SCFD2: variants seen among roughly 807,000 people sequenced by gnomAD.
SCFD2 encodes the protein sec1 family domain-containing protein 2.
A neutral mutation model predicts 58.9 loss-of-function variants in SCFD2; 54 were observed. The observed-to-expected ratio is 0.92, with a 90% CI of 0.74 to 1.15. The LOEUF (loss-of-function observed/expected upper bound fraction) is 1.15, where lower values mean the gene tolerates loss of function less well. SCFD2 is among the 50% of genes most tolerant of loss of function. SCFD2 has a pLI of 0.00. For missense variants in SCFD2, 805 were observed against 836.6 expected, an observed-to-expected ratio of 0.96 and a Z score of 0.47; for synonymous variants, 321 against 335.9, an observed-to-expected ratio of 0.96 and a Z score of 0.49.
At chr4:53,179,209 A>G (rs1049338271) in intron 4 of SCFD2, among the ~76,000 whole-genome samples, 1 of 152,194 alleles carries the variant, frequency 6.6e-6, no homozygotes, top group African/African-American at 2.4e-5. Flanking sequence ...CAGATTCACC[A>G]AAGTTGAAAT....
intron 5 of SCFD2, among the ~76,000 whole-genome samples, chr4:53,076,762 C>T (rs113254557): frequency 0.015 from 2,209 of 152,324 alleles, 20 homozygotes; most frequent in Middle Eastern, 0.034. Flanking sequence ...TTTCTCTACA[C>T]CGGCTCAAAG....
intron 7 of SCFD2, among the ~76,000 whole-genome samples, chr4:52,887,720 G>A (rs1718771268): frequency 6.6e-6 from 1 of 152,092 alleles, no homozygotes; most frequent in Non-Finnish European, 1.5e-5. Flanking sequence ...AGGGAATGAA[G>A]GTAGTAAGTG....
intron 5 of SCFD2, among the ~76,000 whole-genome samples, chr4:53,078,277 C>T (rs1330828011): frequency 6.6e-6 from 1 of 152,194 alleles, no homozygotes; most frequent in Non-Finnish European, 1.5e-5. Flanking sequence ...CCCAAGCTCA[C>T]ATTCTTTCTA....
chr4:52,982,799 A>C (rs1430201167), intron 5 of SCFD2, among the ~76,000 whole-genome samples: 1 of 152,178 alleles, frequency 6.6e-6, no homozygotes, highest in Non-Finnish European at 1.5e-5. Flanking sequence ...CAGACCTTTA[A>C]GTTTGCACAT....
intron 5 of SCFD2, among the ~76,000 whole-genome samples, chr4:52,934,484 A>G (rs1720086662): frequency 6.6e-6 from 1 of 152,216 alleles, no homozygotes; most frequent in African/African-American, 2.4e-5. Flanking sequence ...CTGTGGCTTC[A>G]GGGCTCTACA....
At chr4:52,982,962 C>T (rs1721409246) in intron 5 of SCFD2, among the ~76,000 whole-genome samples, 1 of 152,066 alleles carries the variant, frequency 6.6e-6, no homozygotes, top group Non-Finnish European at 1.5e-5. Context: ...TTCCAGTGGG[C>T]ATTATTTACA....
At chr4:53,022,190 T>A (rs927245619) in intron 5 of SCFD2, among the ~76,000 whole-genome samples, 1 of 152,166 alleles carries the variant, frequency 6.6e-6, no homozygotes, top group Non-Finnish European at 1.5e-5. Flanking sequence ...ATGTTAACTA[T>A]TGAGAGATGC....
chr4:52,956,084 T>A, intron 5 of SCFD2: 2 of 456,454 alleles, frequency 4.4e-6, no homozygotes, highest in Middle Eastern at 3.3e-4. Flanking sequence ...CAGCTTGAGG[T>A]CTCTGAGATG....
rs1725230118 is a variant in SCFD2 at position 53,113,493 on chromosome 4, A to T, written c.1561+31840T>A. On this transcript the variant is annotated intron_variant, in intron 5 of 8. Coordinates refer to ENST00000401642, the MANE Select transcript of SCFD2 (RefSeq NM_152540.4). The stretch of plus-strand genomic sequence containing the variant: ...GCAAGAAATAAGTTTTCATTGTTTT[A>T]AGCCACTGAAATGTTAAGGCTGTTA... Among the ~76,000 whole-genome samples the T allele has an allele frequency of 2.0e-5, 3 of 152,096 alleles. No individual in the cohort carries two copies. The South Asian group carries it at 6.2e-4, about 31-fold the overall frequency.
intron 5 of SCFD2, among the ~76,000 whole-genome samples, chr4:53,105,613 G>A (rs540966323): frequency 2.0e-5 from 3 of 152,312 alleles, no homozygotes; most frequent in Admixed American, 6.5e-5. Context: ...CCGCAAAGCC[G>A]CAGTAGTCAG....
chr4:53,152,308 C>A (rs1017798713), intron 4 of SCFD2, among the ~76,000 whole-genome samples: 3 of 151,698 alleles, frequency 2.0e-5, no homozygotes, highest in East Asian at 1.9e-4. Flanking sequence ...CAGGAAAATG[C>A]AAGCTAAATT....
At chr4:53,294,275 T>C (rs1731944808) in intron 3 of SCFD2, among the ~76,000 whole-genome samples, 1 of 152,198 alleles carries the variant, frequency 6.6e-6, no homozygotes, top group South Asian at 2.1e-4. Flanking sequence ...GTAAAAACGT[T>C]CCTATTTATC....
chr4:53,046,047 T>C lies in SCFD2; in HGVS notation c.1561+99286A>G, dbSNP rs77884360. Among the ~76,000 whole-genome samples the C allele has an allele frequency of 2.8e-3, 427 of 152,186 alleles. 17 individuals are homozygous for C. The East Asian group carries it at 0.071, about 25-fold the overall frequency. On this transcript the variant is annotated intron_variant, in intron 5 of 8. Coordinates refer to ENST00000401642, the MANE Select transcript of SCFD2 (RefSeq NM_152540.4). ...ACTATCCAGAGGCTACACACAGCTA[T>C]GAAGGTGCAGAAGTGGGCCCAGAAT...
intron 2 of SCFD2, among the ~76,000 whole-genome samples, chr4:53,335,663 A>G (rs1409060404): frequency 6.6e-6 from 1 of 152,140 alleles, no homozygotes; most frequent in African/African-American, 2.4e-5. Flanking sequence ...AGGTGAGGGG[A>G]AAGTTTCTTA....
chr4:53,129,847 C>A (rs1415638617), intron 5 of SCFD2, among the ~76,000 whole-genome samples: 1 of 152,212 alleles, frequency 6.6e-6, no homozygotes, highest in Non-Finnish European at 1.5e-5. Context: ...AATACACCAA[C>A]TGCAAAACAC....
At chr4:53,248,333 G>A (rs986315152) in intron 4 of SCFD2, among the ~76,000 whole-genome samples, 18 of 152,222 alleles carry the variant, frequency 1.2e-4, no homozygotes, top group African/African-American at 4.3e-4. Flanking sequence ...CAAGGTGGCA[G>A]CGAGGATGGG....
intron 7 of SCFD2, among the ~76,000 whole-genome samples, chr4:52,891,885 C>T (rs1382733036): frequency 2.0e-5 from 3 of 152,244 alleles, no homozygotes; most frequent in African/African-American, 7.2e-5. Flanking sequence ...TTCTCTCCCT[C>T]CTTGGAGGGC....
At chr4:53,013,530 A>G (rs1215507021) in intron 5 of SCFD2, among the ~76,000 whole-genome samples, 2 of 152,188 alleles carry the variant, frequency 1.3e-5, no homozygotes, top group Non-Finnish European at 2.9e-5. Context: ...GTCAACGAAA[A>G]TCATTTAGCT....
intron 1 of SCFD2, among the ~76,000 whole-genome samples, chr4:53,361,949 A>G (rs1324134665): frequency 6.6e-6 from 1 of 152,192 alleles, no homozygotes; most frequent in Non-Finnish European, 1.5e-5. Flanking sequence ...CATTCAATAA[A>G]TATATATTGA....
Sources: gnomAD v4.1 joint callset for allele counts (sites outside exome capture counted in the v4.1 genomes callset) on GRCh38, gnomAD v4.1.1 for gene constraint, MANE v1.5 for transcripts, NCBI Gene and HGNC (gene_info 2026-07-23, HGNC 2026-07-21) for gene names.